The following NBAS variants were observed in gnomAD, a reference collection of about 807,000 sequenced individuals.
The protein encoded by NBAS is NAG/BC035112 fusion.
NBAS carries 219 observed loss-of-function variants against 302.5 expected under a neutral mutation model. That is an observed-to-expected ratio of 0.72 (90% CI 0.65 to 0.81). NBAS has a LOEUF of 0.81. NBAS is among the 30% of genes least tolerant of loss of function. NBAS has a pLI of 0.00. For synonymous variants in NBAS, 1,118 were observed against 1,021.6 expected (o/e 1.09, Z -1.80); for missense variants, 2,932 against 2,841.6 (o/e 1.03, Z -0.72).
At chr2:15,017,545 C>G in the NBAS span, among the ~76,000 whole-genome samples, 1 of 151,182 alleles carries the variant, frequency 6.6e-6, no homozygotes, top group Non-Finnish European at 1.5e-5. Context: ...AAATGGCCAA[C>G]AAATATATTT....
the NBAS span, among the ~76,000 whole-genome samples, chr2:14,998,598 A>G: frequency 6.6e-6 from 1 of 152,234 alleles, no homozygotes; most frequent in Non-Finnish European, 1.5e-5. Context: ...ATCCAGTATC[A>G]GGCTACTCTG....
At chr2:14,881,490 A>G in the NBAS span, among the ~76,000 whole-genome samples, 1 of 152,238 alleles carries the variant, frequency 6.6e-6, no homozygotes. Context: ...ACAAATCTGC[A>G]CATGTACCGC....
At chr2:15,076,259 A>G in the NBAS span, among the ~76,000 whole-genome samples, 2 of 152,236 alleles carry the variant, frequency 1.3e-5, no homozygotes, top group Non-Finnish European at 2.9e-5. Flanking sequence ...TTGAAAACCC[A>G]GAAGTCTGAT....
chr2:15,364,807 G>A (rs1460133283), intron 32 of NBAS, among the ~76,000 whole-genome samples: 4 of 152,054 alleles, frequency 2.6e-5, no homozygotes, highest in Non-Finnish European at 5.9e-5. Flanking sequence ...CATAAAAGAT[G>A]ATGACCTGCT....
At position 15,308,311 on chromosome 2, in the gene NBAS, C is replaced by T; in HGVS notation, c.4702G>A (p.Ala1568Thr). ...TACGCTGCCAGCTGGAGAGATAATG[C>T]AGAGGGGGACTGCTTTTCAAAGCAC... Reference protein sequence around the residue: ...NRCFEKQSPSALSLQLAAYYY... With the variant: ...NRCFEKQSPSTLSLQLAAYYY... The change falls in exon 40 of 52, where the codon GCA (alanine) becomes ACA (threonine). Residue 1568 changes from alanine (A) to threonine (T), a missense_variant. Physicochemically the swap from Ala to Thr is moderately conservative, Grantham distance 58. Coordinates refer to ENST00000281513, the MANE Select transcript of NBAS (RefSeq NM_015909.4). 1 of 1,614,162 alleles carries T rather than the reference C, an allele frequency of 6.2e-7. No homozygotes were observed.
chr2:14,872,962 G>T, the NBAS span, among the ~76,000 whole-genome samples: 1 of 152,220 alleles, frequency 6.6e-6, no homozygotes, highest in African/African-American at 2.4e-5. Flanking sequence ...AGCTCATACA[G>T]GCAGCGCAGA....
chr2:15,498,479 C>G (rs1445934515), intron 11 of NBAS, among the ~76,000 whole-genome samples: 1 of 152,164 alleles, frequency 6.6e-6, no homozygotes, highest in African/African-American at 2.4e-5. Flanking sequence ...TTACACACTG[C>G]TAGTGGGAGC....
rs4668893 is a variant in NBAS, at chr2:15,287,500, T to C, written c.5028-317A>G. Among the ~76,000 whole-genome samples the C allele has an allele frequency of 0.55, 82,985 of 152,048 alleles. 24,772 individuals carry two copies. The highest frequency in any genetic ancestry group is 0.85 in the East Asian group (4,395 of 5,160). On this transcript the variant is annotated intron_variant, in intron 41 of 51. Transcript: ENST00000281513. The stretch of plus-strand genomic sequence containing the variant: ...TAAAAAGTGGGGCAAGGGGCAGATG[T>C]ACTACACTACTAGCATCTCATGGGT...
At chr2:15,437,507 G>A (rs1253944531) in intron 21 of NBAS, among the ~76,000 whole-genome samples, 1 of 152,186 alleles carries the variant, frequency 6.6e-6, no homozygotes, top group Non-Finnish European at 1.5e-5. Flanking sequence ...GAAGACCCTG[G>A]AAATGAAGAG....
At chr2:15,391,409 G>A (rs945544268) in intron 28 of NBAS, among the ~76,000 whole-genome samples, 1 of 151,252 alleles carries the variant, frequency 6.6e-6, no homozygotes, top group South Asian at 2.1e-4. Flanking sequence ...AAAATATAAT[G>A]AATGTACAAA....
chr2:14,937,190 T>TG, the NBAS span, among the ~76,000 whole-genome samples: 12 of 152,052 alleles, frequency 7.9e-5, no homozygotes, highest in African/African-American at 2.7e-4. Flanking sequence ...CCATTACATA[T>TG]GGGGGGTGGG....
At chr2:15,495,908 T>G (rs901367224) in intron 11 of NBAS, among the ~76,000 whole-genome samples, 1 of 152,138 alleles carries the variant, frequency 6.6e-6, no homozygotes, top group Non-Finnish European at 1.5e-5. Flanking sequence ...ACAGTTATCA[T>G]AAGACTCAGC....
At chr2:15,034,289 A>AAAGAAAGAAAGG in the NBAS span, among the ~76,000 whole-genome samples, 1 of 99,268 alleles carries the variant, frequency 1.0e-5, no homozygotes, top group Non-Finnish European at 2.1e-5. Flanking sequence ...AGAAAGAAAG[A>AAAGAAAGAAAGG]AAGAAAGAAA....
the NBAS span, among the ~76,000 whole-genome samples, chr2:14,862,642 G>A: frequency 1.3e-5 from 2 of 152,158 alleles, no homozygotes; most frequent in Admixed American, 1.3e-4. Flanking sequence ...AGTTAAATAA[G>A]ATAGCACATG....
chr2:14,902,732 G>T, the NBAS span, among the ~76,000 whole-genome samples: 1 of 152,068 alleles, frequency 6.6e-6, no homozygotes, highest in Non-Finnish European at 1.5e-5. Context: ...GAGGAGTATC[G>T]AAAAATGGTA....
In NBAS at chr2:15,239,973, G is replaced by A. The variant is rs987712932; in HGVS notation, c.5725-1287C>T. On this transcript the variant is annotated intron_variant, in intron 44 of 51. Coordinates refer to ENST00000281513, the MANE Select transcript of NBAS (RefSeq NM_015909.4). Reference sequence around the variant, plus strand: ...AGTCTAAACTTTGTGCTTTGTTGATGGAGGAAGCAGACGCCTCTGAGAGAT... The same window carrying A: ...AGTCTAAACTTTGTGCTTTGTTGATAGAGGAAGCAGACGCCTCTGAGAGAT... Among the ~76,000 whole-genome samples the A allele has an allele frequency of 1.7e-4, 26 of 152,090 alleles. 1 individual carries two copies. The highest frequency in any genetic ancestry group is 2.5e-4 in the Non-Finnish European group (17 of 68,032).
At chr2:14,961,351 A>G in the NBAS span, among the ~76,000 whole-genome samples, 3 of 152,144 alleles carry the variant, frequency 2.0e-5, no homozygotes, top group African/African-American at 7.2e-5. Context: ...ATGGCAGCAG[A>G]TCCTTCATGA....
In NBAS at chr2:15,539,419, AG is replaced by A. The variant is rs1424402504; in HGVS notation, c.380-64del. 1.9e-6 allele frequency: 3 copies of A among 1,581,234 alleles called. No homozygotes were observed. In the Admixed American group the frequency reaches 5.0e-5, roughly 26 times the overall value. On this transcript the variant is annotated intron_variant, in intron 6 of 51. Coordinates refer to ENST00000281513, the MANE Select transcript of NBAS (RefSeq NM_015909.4). Reference sequence around the variant, plus strand: ...TATTACAAAGATAGTTAATGCTTTTAGTAACTGCAACTAAAGTAAGTATTCA... The same window carrying A: ...TATTACAAAGATAGTTAATGCTTTTATAACTGCAACTAAAGTAAGTATTCA...
chr2:15,463,907 C>T (rs1422815928), intron 19 of NBAS, among the ~76,000 whole-genome samples: 1 of 151,392 alleles, frequency 6.6e-6, no homozygotes, highest in African/African-American at 2.4e-5. Flanking sequence ...TTCTTAAGTC[C>T]TTCTTAGACA....
Sources: allele counts gnomAD v4.1 joint callset (sites outside exome capture counted in the v4.1 genomes callset), GRCh38; gene constraint gnomAD v4.1.1; transcripts MANE v1.5; gene names NCBI Gene and HGNC (gene_info 2026-07-23, HGNC 2026-07-21).